Variants in SDK1 observed in about 807,000 individuals in gnomAD.
SDK1 encodes the protein protein sidekick-1.
A neutral mutation model predicts 245.5 loss-of-function variants in SDK1; 157 were observed. The ratio of observed to expected loss-of-function variants is 0.64; its 90% CI spans 0.56 to 0.73. SDK1 has a LOEUF of 0.73. Among genes scored for constraint, SDK1 ranks in the 30% least tolerant of loss-of-function variants. The probability of loss-of-function intolerance (pLI) is 0.00; values close to 1 mark genes in which losing one functional copy is unlikely to be tolerated. For missense variants in SDK1, 3,583 were observed against 3,002.3 expected, an observed-to-expected ratio of 1.19 and a Z score of -4.52; for synonymous variants, 1,647 against 1,278.5, an observed-to-expected ratio of 1.29 and a Z score of -6.15.
At chr7:3,360,922 A>G (rs896625723) in intron 1 of SDK1, among the ~76,000 whole-genome samples, 6 of 152,178 alleles carry the variant, frequency 3.9e-5, no homozygotes, top group African/African-American at 1.4e-4. Flanking sequence ...TGGGTTATTC[A>G]TCGATGGGTT....
At chr7:3,762,154 A>C (rs1226148791) in intron 4 of SDK1, among the ~76,000 whole-genome samples, 1 of 152,192 alleles carries the variant, frequency 6.6e-6, no homozygotes, top group Non-Finnish European at 1.5e-5. Context: ...TCTGCTATTG[A>C]AATCTAAATA....
At position 3,615,835 on chromosome 7, in the gene SDK1, T is replaced by G. The variant is rs552017458; in HGVS notation, c.299-3245T>G. 1.7e-4 allele frequency among the ~76,000 whole-genome samples: 24 copies of G among 144,410 alleles called. No homozygotes were observed. The South Asian group carries it at 4.6e-3, about 28-fold the overall frequency. 94.7% of individuals were successfully genotyped at this position (144,410 alleles called of 152,430 possible). On this transcript the variant is annotated intron_variant, in intron 1 of 44. Coordinates refer to ENST00000404826, the MANE Select transcript of SDK1 (RefSeq NM_152744.4). Reference sequence around the variant, plus strand: ...TCTCACATTACAGCCAGAATGTTCTTTTAACAACACAATCACACAACCTCT... The same window carrying G: ...TCTCACATTACAGCCAGAATGTTCTGTTAACAACACAATCACACAACCTCT...
rs146753642 is a variant in SDK1 at position 3,616,766 on chromosome 7, T to G, written c.299-2314T>G. Reference sequence around the variant, plus strand: ...ATATTTAAATTCTATATATTCAGTTTATACACTATAGTTTAATGTGCAACT... The same window carrying G: ...ATATTTAAATTCTATATATTCAGTTGATACACTATAGTTTAATGTGCAACT... On this transcript the variant is annotated intron_variant, in intron 1 of 44. Transcript: ENST00000404826. Among the ~76,000 whole-genome samples the G allele has an allele frequency of 6.2e-3, 938 of 152,342 alleles. 15 individuals carry two copies. Among genetic ancestry groups the G allele is most frequent in the African/African-American group, 0.021 (891 of 41,578 alleles).
At chr7:3,494,339 T>C (rs1781955725) in intron 1 of SDK1, among the ~76,000 whole-genome samples, 1 of 152,210 alleles carries the variant, frequency 6.6e-6, no homozygotes, top group Admixed American at 6.5e-5. Flanking sequence ...GTATCCTACC[T>C]GGAACAGAGT....
At chr7:3,442,280 A>C (rs935997550) in intron 1 of SDK1, among the ~76,000 whole-genome samples, 1 of 152,182 alleles carries the variant, frequency 6.6e-6, no homozygotes, top group Non-Finnish European at 1.5e-5. Context: ...ATTTTTCTAA[A>C]GGAGTATTGA....
chr7:3,485,417 A>G (rs1396052987), intron 1 of SDK1, among the ~76,000 whole-genome samples: 1 of 152,102 alleles, frequency 6.6e-6, no homozygotes, highest in Non-Finnish European at 1.5e-5. Flanking sequence ...GCTAACACCT[A>G]GTTCCAATGC....
At chr7:3,645,441 T>G (rs1782801820) in intron 4 of SDK1, among the ~76,000 whole-genome samples, 1 of 152,222 alleles carries the variant, frequency 6.6e-6, no homozygotes, top group African/African-American at 2.4e-5. Context: ...CAAGATTACA[T>G]AAATCAGTAT....
Position 4,214,505 on chromosome 7 carries a change from C to G in SDK1, c.5539+4343C>G, listed in dbSNP as rs761053677. 1.9e-4 allele frequency among the ~76,000 whole-genome samples: 29 copies of G among 152,354 alleles called. No individual in the cohort carries two copies. In the Middle Eastern group the frequency reaches 0.017, roughly 89 times the overall value. ...GGCTTTGCAACCGAGGCAATGTGCT[C>G]TGAGATTAGAGCGAGAGGGGAGCAG... On this transcript the variant is annotated intron_variant, in intron 38 of 44. Coordinates refer to ENST00000404826, the MANE Select transcript of SDK1 (RefSeq NM_152744.4).
chr7:3,388,682 T>C (rs968281835), intron 1 of SDK1, among the ~76,000 whole-genome samples: 1 of 152,206 alleles, frequency 6.6e-6, no homozygotes, highest in African/African-American at 2.4e-5. Flanking sequence ...TATTAAAAAT[T>C]ATTCCTTGAC....
intron 22 of SDK1, among the ~76,000 whole-genome samples, chr7:4,080,172 G>A (rs1780962655): frequency 6.6e-6 from 1 of 152,086 alleles, no homozygotes; most frequent in South Asian, 2.1e-4. Context: ...CAAGCCCTGC[G>A]GTGGCAGGGA....
chr7:3,724,552 G>A (rs1229392054), intron 4 of SDK1, among the ~76,000 whole-genome samples: 2 of 152,178 alleles, frequency 1.3e-5, no homozygotes, highest in Non-Finnish European at 1.5e-5. Context: ...CTTCCAAGGG[G>A]CCTAATATTG....
At chr7:3,544,173 A>C (rs1180250343) in intron 1 of SDK1, among the ~76,000 whole-genome samples, 1 of 152,250 alleles carries the variant, frequency 6.6e-6, no homozygotes, top group African/African-American at 2.4e-5. Context: ...GCTTGACTGC[A>C]TATGAATTTT....
At chr7:3,688,680 A>G (rs990758476) in intron 4 of SDK1, among the ~76,000 whole-genome samples, 1 of 152,166 alleles carries the variant, frequency 6.6e-6, no homozygotes, top group Admixed American at 6.5e-5. Context: ...GTTGGAGTAG[A>G]TAGTATGTAA....
At chr7:4,177,429 T>G (rs974688099) in intron 34 of SDK1, among the ~76,000 whole-genome samples, 1 of 152,242 alleles carries the variant, frequency 6.6e-6, no homozygotes, top group Non-Finnish European at 1.5e-5. Context: ...CTTGGCCCCC[T>G]GCCCTAAGGA....
chr7:3,376,104 G>A (rs1311241507), intron 1 of SDK1, among the ~76,000 whole-genome samples: 1 of 152,120 alleles, frequency 6.6e-6, no homozygotes, highest in Admixed American at 6.6e-5. Context: ...GGCTGAGGTA[G>A]GAGGATTGCT....
chr7:3,980,282 G>A (rs776866362), intron 13 of SDK1, among the ~76,000 whole-genome samples: 3 of 152,104 alleles, frequency 2.0e-5, no homozygotes, highest in Non-Finnish European at 2.9e-5. Context: ...TCTCTCTCCC[G>A]TACTGTTGGG....
chr7:3,459,215 C>G (rs1418248985), intron 1 of SDK1, among the ~76,000 whole-genome samples: 5 of 152,102 alleles, frequency 3.3e-5, no homozygotes, highest in African/African-American at 1.2e-4. Context: ...TTTGAAGTAC[C>G]TTGTTCATTT....
intron 1 of SDK1, among the ~76,000 whole-genome samples, chr7:3,383,486 G>T (rs1046700968): frequency 1.3e-5 from 2 of 152,086 alleles, no homozygotes; most frequent in Non-Finnish European, 2.9e-5. Context: ...GATGTGAAGC[G>T]GTTTTAGCCA....
At chr7:3,841,111 C>T (rs959975532) in intron 5 of SDK1, among the ~76,000 whole-genome samples, 5 of 152,164 alleles carry the variant, frequency 3.3e-5, no homozygotes, top group Non-Finnish European at 7.3e-5. Context: ...GAATGTGTGA[C>T]CAGTTTTACA....
Sources: allele counts gnomAD v4.1 joint callset (sites outside exome capture counted in the v4.1 genomes callset), GRCh38; gene constraint gnomAD v4.1.1; transcripts MANE v1.5; gene names NCBI Gene and HGNC (gene_info 2026-07-23, HGNC 2026-07-21).